The following CARMIL1 variants were observed in gnomAD, a reference collection of about 807,000 sequenced individuals.
CARMIL1 encodes F-actin-uncapping protein LRRC16A.
Under a neutral mutation model 177.1 loss-of-function variants are expected in CARMIL1, and 90 were observed. That is an observed-to-expected ratio of 0.51 (90% CI 0.43 to 0.61). CARMIL1 has a LOEUF of 0.61. Among genes scored for constraint, CARMIL1 ranks in the 20% least tolerant of loss-of-function variants. The pLI, the probability that CARMIL1 is intolerant of heterozygous loss-of-function variation, is 0.00. For synonymous variants in CARMIL1, 577 were observed against 606.2 expected (o/e 0.95, Z 0.71); for missense variants, 1,380 against 1,667.0 (o/e 0.83, Z 3.00).
intron 36 of CARMIL1, among the ~76,000 whole-genome samples, chr6:25,614,548 G>C (rs760221535): frequency 6.6e-6 from 1 of 152,172 alleles, no homozygotes; most frequent in Non-Finnish European, 1.5e-5. Context: ...TTGAGAATTT[G>C]TTAGGCCAGA....
At chr6:25,406,957 A>AATG (rs68194638) in intron 2 of CARMIL1, among the ~76,000 whole-genome samples, 1 of 49,966 alleles carries the variant, frequency 2.0e-5, no homozygotes, top group Non-Finnish European at 4.2e-5. Context: ...TGTGACTAGG[A>AATG]ATAACCACAG....
intron 2 of CARMIL1, among the ~76,000 whole-genome samples, chr6:25,414,390 C>T (rs1282931478): frequency 6.6e-6 from 1 of 152,154 alleles, no homozygotes; most frequent in Non-Finnish European, 1.5e-5. Context: ...AAGCAGGATG[C>T]CTCCCATCCC....
chr6:25,576,384 C>T (rs1273132756), intron 29 of CARMIL1, among the ~76,000 whole-genome samples: 1 of 152,184 alleles, frequency 6.6e-6, no homozygotes, highest in Non-Finnish European at 1.5e-5. Context: ...GTGCTGAATC[C>T]TGTCATCAGA....
At chr6:25,513,809 C>T (rs1805690400) in intron 20 of CARMIL1, among the ~76,000 whole-genome samples, 1 of 152,322 alleles carries the variant, frequency 6.6e-6, no homozygotes, top group East Asian at 1.9e-4. Context: ...GAAGCTGCTT[C>T]TATCACTACT....
intron 2 of CARMIL1, among the ~76,000 whole-genome samples, chr6:25,416,989 G>A (rs190975210): frequency 6.6e-6 from 1 of 152,278 alleles, no homozygotes; most frequent in African/African-American, 2.4e-5. Context: ...ATAATAAAAA[G>A]GGAGAAATGG....
At chr6:25,447,800 G>C (rs1419659416) in intron 5 of CARMIL1, among the ~76,000 whole-genome samples, 4 of 152,034 alleles carry the variant, frequency 2.6e-5, no homozygotes. Flanking sequence ...CCTCCAGACT[G>C]GGGGTGGCTT....
chr6:25,323,253 A>T (rs543800041), intron 2 of CARMIL1, among the ~76,000 whole-genome samples: 1 of 152,042 alleles, frequency 6.6e-6, no homozygotes, highest in East Asian at 1.9e-4. Flanking sequence ...GTAGAAAAGA[A>T]TATTCTCAGT....
intron 8 of CARMIL1, among the ~76,000 whole-genome samples, chr6:25,459,259 T>TTTCTTTCTTTCTTTCTTTCTTTCTTTCC (rs1799860998): frequency 8.1e-6 from 1 of 123,800 alleles, no homozygotes; most frequent in Non-Finnish European, 1.7e-5. Context: ...TCTTTCTTTC[T>TTTCTTTCTTTCTTTCTTTCTTTCTTTCC]TTCTTTCTTT....
intron 2 of CARMIL1, among the ~76,000 whole-genome samples, chr6:25,381,264 C>A (rs1791503540): frequency 6.6e-6 from 1 of 152,198 alleles, no homozygotes; most frequent in East Asian, 1.9e-4. Context: ...AGTCTAACAG[C>A]TCTTCTAGAA....
chr6:25,435,391 T>A (rs1279230418), intron 4 of CARMIL1, 92 bp from the exon 5 acceptor site: 3 of 1,406,964 alleles, frequency 2.1e-6, no homozygotes, highest in Non-Finnish European at 1.9e-6. Flanking sequence ...TTAGTATATA[T>A]CTGTGTGACT....
At chr6:25,460,478 T>C (rs1376432975) in intron 8 of CARMIL1, among the ~76,000 whole-genome samples, 1 of 152,206 alleles carries the variant, frequency 6.6e-6, no homozygotes, top group Non-Finnish European at 1.5e-5. Context: ...TCATGGTGGC[T>C]TGATGCCCAG....
intron 9 of CARMIL1, among the ~76,000 whole-genome samples, chr6:25,470,420 C>T (rs1800995353): frequency 6.6e-6 from 1 of 152,208 alleles, no homozygotes; most frequent in Admixed American, 6.5e-5. Context: ...TAATCACTAA[C>T]ACTTAGTCTT....
At chr6:25,390,321 T>TATATATATATATATATATATA (rs1491117122) in intron 2 of CARMIL1, among the ~76,000 whole-genome samples, 2 of 38,202 alleles carry the variant, frequency 5.2e-5, no homozygotes, top group Non-Finnish European at 9.6e-5. Context: ...TATATATATA[T>TATATATATATATATATATATA]TTTTTTTTTT....
intron 5 of CARMIL1, among the ~76,000 whole-genome samples, chr6:25,441,779 A>G (rs990050714): frequency 6.6e-6 from 1 of 152,150 alleles, no homozygotes; most frequent in African/African-American, 2.4e-5. Flanking sequence ...CAGTGTTGTC[A>G]TCTGTTTTCT....
intron 2 of CARMIL1, among the ~76,000 whole-genome samples, chr6:25,373,997 TTTTG>T (rs1214498347): frequency 2.6e-5 from 4 of 152,228 alleles, no homozygotes; most frequent in East Asian, 1.9e-4. Flanking sequence ...TTGATGTATT[TTTTG>T]TTTGTTTGTT....
intron 22 of CARMIL1, 130 bp downstream of exon 22, chr6:25,517,545 C>T (rs575664174): frequency 1.4e-5 from 9 of 644,232 alleles, no homozygotes; most frequent in African/African-American, 1.1e-4. Context: ...ATTTAGTCTA[C>T]AGCTAACCAG....
chr6:25,581,068 T>C, intron 30 of CARMIL1, 78 bp downstream of exon 30: 1 of 1,418,232 alleles, frequency 7.1e-7, no homozygotes, highest in South Asian at 1.2e-5. Flanking sequence ...ATTTTAGGGA[T>C]GTTCCTTATG....
intron 2 of CARMIL1, among the ~76,000 whole-genome samples, chr6:25,344,564 C>T (rs1488564950): frequency 3.3e-5 from 5 of 152,190 alleles, no homozygotes; most frequent in African/African-American, 1.2e-4. Context: ...TAAGTGGGCC[C>T]TTGATGCTAC....
intron 28 of CARMIL1, among the ~76,000 whole-genome samples, chr6:25,555,847 A>G (rs1415354345): frequency 6.6e-6 from 1 of 152,150 alleles, no homozygotes; most frequent in Non-Finnish European, 1.5e-5. Context: ...GAAAGTTTGA[A>G]TTTTTCACTT....
Sources: gnomAD v4.1 joint callset for allele counts (sites outside exome capture counted in the v4.1 genomes callset) on GRCh38, gnomAD v4.1.1 for gene constraint, MANE v1.5 for transcripts, NCBI Gene and HGNC (gene_info 2026-07-23, HGNC 2026-07-21) for gene names.